SDK1: variants seen among roughly 807,000 people sequenced by gnomAD.
SDK1 encodes the protein sidekick cell adhesion molecule 1.
SDK1 carries 157 observed loss-of-function variants against 245.5 expected under a neutral mutation model. The ratio of observed to expected loss-of-function variants is 0.64; its 90% CI spans 0.56 to 0.73. The LOEUF (loss-of-function observed/expected upper bound fraction) is 0.73, where lower values mean the gene tolerates loss of function less well. SDK1 is among the 30% of genes least tolerant of loss of function. The pLI, the probability that SDK1 is intolerant of heterozygous loss-of-function variation, is 0.00. For synonymous variants in SDK1, 1,647 were observed against 1,278.5 expected (o/e 1.29, Z -6.15); for missense variants, 3,583 against 3,002.3 (o/e 1.19, Z -4.52).
At chr7:3,880,886 C>G (rs1781193679) in intron 5 of SDK1, among the ~76,000 whole-genome samples, 1 of 152,002 alleles carries the variant, frequency 6.6e-6, no homozygotes, top group Non-Finnish European at 1.5e-5. Flanking sequence ...GGTCACTTAC[C>G]CTGGTGAAGG....
At chr7:3,624,258 G>C (rs370510779) in intron 2 of SDK1, among the ~76,000 whole-genome samples, 11 of 152,290 alleles carry the variant, frequency 7.2e-5, no homozygotes, top group Middle Eastern at 3.4e-3. Context: ...GAGTGCAAGT[G>C]GCCTGATCAT....
intron 7 of SDK1, among the ~76,000 whole-genome samples, chr7:3,957,838 G>T (rs901683347): frequency 6.6e-6 from 1 of 152,180 alleles, no homozygotes; most frequent in Non-Finnish European, 1.5e-5. Context: ...AACTTAAGTA[G>T]AGGAATCTGC....
intron 5 of SDK1, among the ~76,000 whole-genome samples, chr7:3,831,011 T>G (rs371006472): frequency 1.3e-5 from 2 of 152,310 alleles, no homozygotes; most frequent in South Asian, 2.1e-4. Context: ...GTATAGTCAT[T>G]GAAGTACTTT....
At chr7:3,964,183 T>C (rs1305365033) in intron 9 of SDK1, among the ~76,000 whole-genome samples, 1 of 152,226 alleles carries the variant, frequency 6.6e-6, no homozygotes, top group Non-Finnish European at 1.5e-5. Flanking sequence ...GAAGGGGTAA[T>C]GTGGCCAGAA....
intron 4 of SDK1, among the ~76,000 whole-genome samples, chr7:3,672,696 A>T (rs1442649427): frequency 7.3e-6 from 1 of 137,144 alleles, no homozygotes; most frequent in Non-Finnish European, 1.6e-5. Context: ...TAAAATTTAT[A>T]TTAAATAAAA....
chr7:3,418,469 T>C (rs1321941950), intron 1 of SDK1, among the ~76,000 whole-genome samples: 1 of 152,156 alleles, frequency 6.6e-6, no homozygotes, highest in Non-Finnish European at 1.5e-5. Context: ...GTTTCTGATC[T>C]CTGCTTATCA....
At chr7:4,147,039 C>A (rs1202004112) in intron 29 of SDK1, among the ~76,000 whole-genome samples, 1 of 152,196 alleles carries the variant, frequency 6.6e-6, no homozygotes, top group African/African-American at 2.4e-5. Context: ...GCCACAGGAC[C>A]CTCACCTCAG....
chr7:3,893,959 C>T (rs1343398250), intron 5 of SDK1, among the ~76,000 whole-genome samples: 2 of 152,132 alleles, frequency 1.3e-5, no homozygotes, highest in Admixed American at 6.5e-5. Flanking sequence ...CCTGTGATGT[C>T]CCTGCTGGTT....
chr7:3,344,844 G>A (rs1019405505), intron 1 of SDK1, among the ~76,000 whole-genome samples: 1 of 152,146 alleles, frequency 6.6e-6, no homozygotes, highest in African/African-American at 2.4e-5. Flanking sequence ...ATGATGAGTG[G>A]TGAGCCTTTG....
In SDK1 at chr7:3,390,395, C is replaced by T. The variant is rs113544041; in HGVS notation, c.298+88511C>T. Among the ~76,000 whole-genome samples, 764 of 152,248 alleles carry T rather than the reference C, an allele frequency of 5.0e-3. 9 individuals carry two copies. The highest frequency in any genetic ancestry group is 0.017 in the African/African-American group (691 of 41,526). On this transcript the variant is annotated intron_variant, in intron 1 of 44. Coordinates refer to ENST00000404826, the MANE Select transcript of SDK1 (RefSeq NM_152744.4). ...ACTTCACTGATCTAATTACAGTTAT[C>T]GAAGCCAATATTGTAAGAACTGTGC...
intron 5 of SDK1, among the ~76,000 whole-genome samples, chr7:3,926,265 A>G (rs913008955): frequency 2.6e-5 from 4 of 152,142 alleles, no homozygotes; most frequent in Non-Finnish European, 5.9e-5. Flanking sequence ...GCCAGAAGGA[A>G]TGAAATCACT....
At chr7:4,075,736 C>A (rs1040688398) in intron 20 of SDK1, among the ~76,000 whole-genome samples, 3 of 151,978 alleles carry the variant, frequency 2.0e-5, no homozygotes, top group Admixed American at 2.0e-4. Flanking sequence ...CTCACTGCAA[C>A]CTCCGCCTCC....
intron 8 of SDK1, among the ~76,000 whole-genome samples, chr7:3,959,451 G>C (rs1034407988): frequency 1.3e-5 from 2 of 152,198 alleles, no homozygotes; most frequent in Non-Finnish European, 2.9e-5. Context: ...TAGTAGGTAC[G>C]TGAGGTACAA....
At chr7:3,797,063 G>A (rs1265391367) in intron 4 of SDK1, among the ~76,000 whole-genome samples, 1 of 150,990 alleles carries the variant, frequency 6.6e-6, no homozygotes, top group Middle Eastern at 3.2e-3. Context: ...CTGGAGTGCA[G>A]TGGTGCAGTC....
intron 1 of SDK1, among the ~76,000 whole-genome samples, chr7:3,605,892 GT>G (rs921952206): frequency 4.2e-4 from 63 of 148,960 alleles, no homozygotes; most frequent in Non-Finnish European, 6.6e-4. Context: ...TTTGACAAAA[GT>G]TTTTTTTTTA....
intron 4 of SDK1, among the ~76,000 whole-genome samples, chr7:3,737,371 A>AG (rs1779345788): frequency 6.6e-6 from 1 of 152,120 alleles, no homozygotes. Flanking sequence ...TGGGTGGTGC[A>AG]GGGGGGCGTC....
At chr7:4,023,119 A>G (rs1405740248) in intron 17 of SDK1, among the ~76,000 whole-genome samples, 2 of 151,966 alleles carry the variant, frequency 1.3e-5, no homozygotes, top group East Asian at 3.9e-4. Context: ...TATATTTACA[A>G]TGCATGGTTT....
chr7:4,155,400 C>A (rs1157569171), intron 30 of SDK1, among the ~76,000 whole-genome samples: 4 of 152,342 alleles, frequency 2.6e-5, no homozygotes, highest in African/African-American at 9.6e-5. Flanking sequence ...TGTCCAGCCA[C>A]CTGACACGCA....
At chr7:3,683,671 G>A (rs535030297) in intron 4 of SDK1, among the ~76,000 whole-genome samples, 3 of 152,362 alleles carry the variant, frequency 2.0e-5, no homozygotes, top group East Asian at 3.9e-4. Flanking sequence ...TCTGGAGGGT[G>A]AAAGGAGAGG....
Sources: gnomAD v4.1 joint callset for allele counts (sites outside exome capture counted in the v4.1 genomes callset) on GRCh38, gnomAD v4.1.1 for gene constraint, MANE v1.5 for transcripts, NCBI Gene and HGNC (gene_info 2026-07-23, HGNC 2026-07-21) for gene names.